The following DNAJC11 variants were observed in gnomAD, a reference collection of about 807,000 sequenced individuals.
The protein encoded by DNAJC11 is DnaJ heat shock protein family (Hsp40) member C11.
DNAJC11 carries 15 observed loss-of-function variants against 78.6 expected under a neutral mutation model. The observed-to-expected ratio is 0.19, with a 90% CI of 0.13 to 0.29. The LOEUF is 0.29. Among genes scored for constraint, DNAJC11 ranks in the 10% least tolerant of loss-of-function variants. The probability of loss-of-function intolerance (pLI) is 1.00; values close to 1 mark genes in which losing one functional copy is unlikely to be tolerated. For synonymous variants in DNAJC11, 292 were observed against 272.1 expected (o/e 1.07, Z -0.72); for missense variants, 547 against 709.6 (o/e 0.77, Z 2.60).
rs143838626 is a variant in DNAJC11, at chr1:6,701,748, A to G, written c.53T>C (p.Leu18Ser). 152 of 1,565,158 alleles carry G rather than the reference A, an allele frequency of 9.7e-5. 1 individual carries two copies. In the African/African-American group the frequency reaches 2.0e-3, roughly 20 times the overall value. ...CCTCACCTCCCTGCGCACGTTCAGC[A>G]ACGAGTAATAGTCTTCATTGTCCAG... Reference protein sequence around the residue: ...EELDNEDYYSLLNVRREASSE... With the variant: ...EELDNEDYYSSLNVRREASSE... The change falls in exon 1 of 16, where the codon TTG (leucine) becomes TCG (serine). Residue 18 changes from leucine (L) to serine (S), a missense_variant. Physicochemically the swap from Leu to Ser is moderately radical, Grantham distance 145 (BLOSUM62 -2). Transcript: ENST00000377577.
chr1:6,638,687 T>TTTTTAA (rs1370663223), intron 11 of DNAJC11, among the ~76,000 whole-genome samples: 1 of 152,192 alleles, frequency 6.6e-6, no homozygotes, highest in Non-Finnish European at 1.5e-5. Context: ...GATTATTATT[T>TTTTTAA]TTTTAATTTT....
chr1:6,659,099 A>C (rs1157613990), intron 4 of DNAJC11, among the ~76,000 whole-genome samples: 1 of 152,206 alleles, frequency 6.6e-6, no homozygotes, highest in Non-Finnish European at 1.5e-5. Context: ...CCAGCAGCCC[A>C]ACTTGCTCAA....
chr1:6,634,682 A>C lies in DNAJC11; in HGVS notation c.*993T>G. 4 of 1,366,252 alleles carry C rather than the reference A, an allele frequency of 2.9e-6. No homozygotes were observed. Among genetic ancestry groups the C allele is most frequent in the Non-Finnish European group, 2.9e-6 (3 of 1,021,758 alleles). 84.6% of individuals were successfully genotyped at this position (1,366,252 alleles called of 1,614,324 possible). The stretch of plus-strand genomic sequence containing the variant: ...TAGCTCCGCTGCATTCTGCATCCCA[A>C]GTGGGCACGTGGAGGAAGGGTCTGA... On this transcript the variant is annotated 3_prime_UTR_variant, in exon 16 of 16. Coordinates refer to ENST00000377577, the MANE Select transcript of DNAJC11 (RefSeq NM_018198.4).
Position 6,645,198 on chromosome 1 carries a change from C to A in DNAJC11, c.895-72G>T. ...CTGTGGGGAGATGGGTATCTGCCCT[C>A]CCACTAGCTCTGGGCATCTGCTGCA... is the stretch of plus-strand genomic sequence containing the variant. On this transcript the variant is annotated intron_variant, in intron 8 of 15. Coordinates refer to ENST00000377577, the MANE Select transcript of DNAJC11 (RefSeq NM_018198.4). This position sits in a 1 kb window ranked among gnomAD's most constrained non-coding sequence, Gnocchi z 4.1. 1.6e-6 allele frequency: 2 copies of A among 1,223,806 alleles called. No individual in the cohort carries two copies. Among genetic ancestry groups the A allele is most frequent in the Non-Finnish European group, 2.4e-6 (2 of 830,920 alleles). The allele number at this position is 1,223,806 out of a possible 1,614,324, so 75.8% of individuals were successfully genotyped here.
chr1:6,654,028 G>A lies in DNAJC11; in HGVS notation c.390C>T (p.Ser130=), dbSNP rs758330442. The A allele has an allele frequency of 2.5e-6, 4 of 1,612,868 alleles. No homozygotes were observed. The highest frequency in any genetic ancestry group is 2.2e-5 in the East Asian group (1 of 44,832). Residue 130 remains serine, a synonymous_variant, in exon 5 of 16, where the codon AGC becomes AGT. Coordinates refer to ENST00000377577, the MANE Select transcript of DNAJC11 (RefSeq NM_018198.4). ...QQRTNPKGTI[S]VGVDATDLFD... is the part of the protein sequence containing the mutation. ...AAAGGTCGGTGGCATCTACTCCAAC[G>A]CTGATCGTTCCCTGGGGCAGAAAAA...
Position 6,647,080 on chromosome 1 carries a change from C to CT in DNAJC11, c.705-1103dup, listed in dbSNP as rs70981396. 5.4e-3 allele frequency among the ~76,000 whole-genome samples: 517 copies of CT among 95,020 alleles called. 10 individuals are homozygous for CT. Among genetic ancestry groups the CT allele is most frequent in the East Asian group, 0.014 (49 of 3,506 alleles). The allele number at this position is 95,020 out of a possible 152,430, so 62.3% of individuals were successfully genotyped here. A position where few individuals can be genotyped will look rare whatever the true frequency, so the allele number is the denominator to read the frequency against. Reference sequence around the variant, plus strand: ...AAGGAGCACTTGAGCCTGGACAGGTCTTTTTTTTTTTTTTTTTTTTTTGAC... The same window carrying CT: ...AAGGAGCACTTGAGCCTGGACAGGTCTTTTTTTTTTTTTTTTTTTTTTTGAC... On this transcript the variant is annotated intron_variant, in intron 7 of 15. Transcript: ENST00000377577.
chr1:6,676,860 G>A (rs757648026), intron 3 of DNAJC11, among the ~76,000 whole-genome samples: 2 of 152,024 alleles, frequency 1.3e-5, no homozygotes, highest in Non-Finnish European at 2.9e-5. Flanking sequence ...AGACAGGCAC[G>A]CATGCTTGAG....
chr1:6,662,860 C>T lies in DNAJC11; in HGVS notation c.378+4849G>A, dbSNP rs548702104. ...GCAACAACCTGCTCGGGTCCCCTTC[C>T]ACACTGTGGAAGCTTTGTTATTTTG... On this transcript the variant is annotated intron_variant, in intron 4 of 15. Transcript: ENST00000377577. Among the ~76,000 whole-genome samples the T allele has an allele frequency of 3.3e-5, 5 of 152,144 alleles. No homozygotes were observed. The South Asian group carries it at 8.3e-4, about 25-fold the overall frequency.
chr1:6,662,619 C>G (rs572453374), intron 4 of DNAJC11, among the ~76,000 whole-genome samples: 1 of 152,124 alleles, frequency 6.6e-6, no homozygotes, highest in South Asian at 2.1e-4. Context: ...TCTGTAAAAA[C>G]GCACCAATCA....
At chr1:6,670,124 T>A (rs187344405) in intron 3 of DNAJC11, among the ~76,000 whole-genome samples, 1 of 152,128 alleles carries the variant, frequency 6.6e-6, no homozygotes, top group Admixed American at 6.6e-5. Flanking sequence ...TGGTTAATTT[T>A]TTTTTTGTAT....
intron 6 of DNAJC11, 134 bp from the exon 7 acceptor site, chr1:6,651,736 G>A (rs937366663): frequency 3.0e-6 from 2 of 673,938 alleles, no homozygotes; most frequent in Admixed American, 5.2e-5. Context: ...AAAGAAGGGG[G>A]TGGAAGATTG....
At position 6,635,477 on chromosome 1, in the gene DNAJC11, G is replaced by C; in HGVS notation, c.*198C>G. On this transcript the variant is annotated 3_prime_UTR_variant, in exon 16 of 16. Transcript: ENST00000377577. ...CAGGCTGCAGTCTGGTTCCCAGTGGGGCTGCCTCAGTCCTACCCCCAGCAC... is the reference window on the plus strand; with the variant it reads ...CAGGCTGCAGTCTGGTTCCCAGTGGCGCTGCCTCAGTCCTACCCCCAGCAC... The C allele has an allele frequency of 1.7e-6, 1 of 580,598 alleles. No individual in the cohort carries two copies. Among genetic ancestry groups the C allele is most frequent in the Non-Finnish European group, 3.0e-6 (1 of 330,444 alleles). The allele number at this position is 580,598 out of a possible 1,614,324, so 36.0% of individuals were successfully genotyped here.
Position 6,641,625 on chromosome 1 carries a change from G to A in DNAJC11, c.1098-1568C>T, listed in dbSNP as rs140062288. 1.9e-3 allele frequency among the ~76,000 whole-genome samples: 289 copies of A among 151,170 alleles called. 1 individual carries two copies. Among genetic ancestry groups the A allele is most frequent in the African/African-American group, 6.8e-3 (278 of 41,130 alleles). ...CAGCTCACTACCACCTTGAGCTCCT[G>A]GGCTCAAGTGATCTTCCTGTCTTGG... On this transcript the variant is annotated intron_variant, in intron 10 of 15. Transcript: ENST00000377577.
At position 6,653,669 on chromosome 1, in the gene DNAJC11, T is replaced by G. The variant is rs948478293; in HGVS notation, c.507+242A>C. 1.0e-5 allele frequency: 4 copies of G among 396,442 alleles called. No individual in the cohort carries two copies. Among genetic ancestry groups the G allele is most frequent in the Non-Finnish European group, 1.9e-5 (4 of 215,202 alleles). 24.6% of individuals were successfully genotyped at this position (396,442 alleles called of 1,614,324 possible). A position where few individuals can be genotyped will look rare whatever the true frequency, so the allele number is the denominator to read the frequency against. ...CTCCCAGACCATTAACACCCTCTGC[T>G]GGAAAGGCCCAAGACCTTGGGAGCC... On this transcript the variant is annotated intron_variant, in intron 5 of 15. Coordinates refer to ENST00000377577, the MANE Select transcript of DNAJC11 (RefSeq NM_018198.4). The surrounding 1 kb of genome is among the most constrained non-coding windows in gnomAD (Gnocchi z 4.5).
chr1:6,681,385 A>C (rs1470154137), intron 1 of DNAJC11, among the ~76,000 whole-genome samples: 2 of 152,196 alleles, frequency 1.3e-5, no homozygotes, highest in African/African-American at 4.8e-5. Context: ...ATGCCAAGGC[A>C]CTCTAAACAG....
intron 1 of DNAJC11, among the ~76,000 whole-genome samples, chr1:6,692,917 T>A (rs1293001998): frequency 1.4e-5 from 2 of 147,052 alleles, no homozygotes; most frequent in African/African-American, 2.5e-5. Flanking sequence ...AGCCTCTTTT[T>A]TTTTCTTTGA....
chr1:6,651,751 T>C, intron 6 of DNAJC11, 149 bp from the exon 7 acceptor site: 1 of 647,652 alleles, frequency 1.5e-6, no homozygotes, highest in South Asian at 1.9e-5. Context: ...AGATTGTTAA[T>C]GTCTCATCTT....
Position 6,653,804 on chromosome 1 carries a change from T to C in DNAJC11, c.507+107A>G, listed in dbSNP as rs1324486950. 4.3e-6 allele frequency: 6 copies of C among 1,409,990 alleles called. No homozygotes were observed. Among genetic ancestry groups the C allele is most frequent in the Admixed American group, 4.2e-5 (2 of 47,772 alleles). 87.3% of individuals were successfully genotyped at this position (1,409,990 alleles called of 1,614,324 possible). Reference sequence around the variant, plus strand: ...GTGGCTAATTGCATCCTTTCATAAATAAAGATGAGAAAAACCCTGGGCAGA... The same window carrying C: ...GTGGCTAATTGCATCCTTTCATAAACAAAGATGAGAAAAACCCTGGGCAGA... On this transcript the variant is annotated intron_variant, in intron 5 of 15. Coordinates refer to ENST00000377577, the MANE Select transcript of DNAJC11 (RefSeq NM_018198.4). This position sits in a 1 kb window ranked among gnomAD's most constrained non-coding sequence, Gnocchi z 4.5.
At chr1:6,657,737 T>C (rs959018374) in intron 4 of DNAJC11, among the ~76,000 whole-genome samples, 46 of 152,174 alleles carry the variant, frequency 3.0e-4, no homozygotes, top group Non-Finnish European at 4.3e-4. Context: ...CTCTGCCTCC[T>C]GGGTTCACGC....
Sources: allele counts gnomAD v4.1 joint callset (sites outside exome capture counted in the v4.1 genomes callset), GRCh38; gene constraint gnomAD v4.1.1; non-coding constraint Gnocchi (gnomAD v3.1); transcripts MANE v1.5; gene names NCBI Gene and HGNC (gene_info 2026-07-23, HGNC 2026-07-21).